The following AUTS2 variants were observed in gnomAD, a reference collection of about 807,000 sequenced individuals.
AUTS2 encodes the protein activator of transcription and developmental regulator AUTS2.
AUTS2 carries 17 observed loss-of-function variants against 112.4 expected under a neutral mutation model. That is an observed-to-expected ratio of 0.15 (90% CI 0.10 to 0.23). The LOEUF (loss-of-function observed/expected upper bound fraction) is 0.23, where lower values mean the gene tolerates loss of function less well. Ranked by LOEUF, AUTS2 falls within the 10% of genes least tolerant of loss-of-function variation. AUTS2 has a pLI of 1.00. For synonymous variants in AUTS2, 751 were observed against 702.7 expected, an observed-to-expected ratio of 1.07 and a Z score of -1.09; for missense variants, 1,510 against 1,701.6, an observed-to-expected ratio of 0.89 and a Z score of 1.98.
At chr7:70,409,472 G>C (rs917397737) in intron 4 of AUTS2, among the ~76,000 whole-genome samples, 3 of 152,202 alleles carry the variant, frequency 2.0e-5, no homozygotes, top group African/African-American at 4.8e-5. Flanking sequence ...AAATTCTCAA[G>C]ATTTCTCACA....
At chr7:69,872,123 G>A (rs1405461117) in intron 1 of AUTS2, among the ~76,000 whole-genome samples, 1 of 152,166 alleles carries the variant, frequency 6.6e-6, no homozygotes, top group African/African-American at 2.4e-5. Flanking sequence ...CAAGTGCCGA[G>A]CCCTTCTGAG....
chr7:70,698,539 A>G (rs1809263997), intron 5 of AUTS2, 30 bp from the exon 6 acceptor site: 4 of 1,577,622 alleles, frequency 2.5e-6, no homozygotes, highest in Non-Finnish European at 3.5e-6. Context: ...TGACAATAAT[A>G]ATGCTTTTTT....
At chr7:69,888,981 G>C (rs1392362768) in intron 1 of AUTS2, among the ~76,000 whole-genome samples, 1 of 152,222 alleles carries the variant, frequency 6.6e-6, no homozygotes, top group Non-Finnish European at 1.5e-5. Context: ...GGGGAAGAGT[G>C]ATGGAGTAGT....
chr7:69,895,156 A>G (rs1386456910), intron 1 of AUTS2, among the ~76,000 whole-genome samples: 1 of 152,218 alleles, frequency 6.6e-6, no homozygotes, highest in African/African-American at 2.4e-5. Flanking sequence ...AGTCATGTAC[A>G]CAACTCTTGT....
chr7:69,728,047 G>A (rs1174678689), intron 1 of AUTS2, among the ~76,000 whole-genome samples: 2 of 152,184 alleles, frequency 1.3e-5, no homozygotes, highest in Non-Finnish European at 2.9e-5. Context: ...AGAAGATACT[G>A]TCATGGATTG....
intron 4 of AUTS2, among the ~76,000 whole-genome samples, chr7:70,235,485 C>T (rs764550294): frequency 1.4e-4 from 21 of 151,986 alleles, no homozygotes; most frequent in African/African-American, 1.9e-4. Context: ...TGTCACCAGC[C>T]GGGAGGGGCT....
rs370089052 is a variant in AUTS2 at position 69,801,527 on chromosome 7, GTA to G, written c.310-97751_310-97750del. On this transcript the variant is annotated intron_variant, in intron 1 of 18. Transcript: ENST00000342771. ...ATGAATATAAATATAAGATATATAG[GTA>G]TATATATGTGGTGTATATATACATA... Among the ~76,000 whole-genome samples the G allele has an allele frequency of 4.2e-3, 623 of 150,014 alleles. 6 individuals are homozygous for G. The highest frequency in any genetic ancestry group is 0.012 in the East Asian group (61 of 5,138).
At chr7:69,797,855 A>G (rs1356648352) in intron 1 of AUTS2, among the ~76,000 whole-genome samples, 1 of 152,132 alleles carries the variant, frequency 6.6e-6, no homozygotes, top group African/African-American at 2.4e-5. Context: ...AATGGACCTT[A>G]TTTTTTATCT....
intron 4 of AUTS2, among the ~76,000 whole-genome samples, chr7:70,190,966 T>C (rs1809848857): frequency 6.6e-6 from 1 of 152,102 alleles, no homozygotes; most frequent in African/African-American, 2.4e-5. Flanking sequence ...TATCTTACTG[T>C]AAAAATACTG....
chr7:70,163,357 G>GGGGGGGGGGGGGGGGGGGA (rs1396459556), intron 4 of AUTS2, among the ~76,000 whole-genome samples: 1 of 67,498 alleles, frequency 1.5e-5, no homozygotes, highest in Non-Finnish European at 3.5e-5. Context: ...GGGGGGGGGG[G>GGGGGGGGGGGGGGGGGGGA]GCAGAGGGGG....
chr7:70,330,365 T>G (rs1334542440), intron 4 of AUTS2, among the ~76,000 whole-genome samples: 2 of 152,222 alleles, frequency 1.3e-5, no homozygotes, highest in Non-Finnish European at 2.9e-5. Flanking sequence ...TGTCTCAGCA[T>G]CATCTGTTGA....
At chr7:70,279,755 G>A (rs1788115710) in intron 4 of AUTS2, among the ~76,000 whole-genome samples, 1 of 152,184 alleles carries the variant, frequency 6.6e-6, no homozygotes, top group African/African-American at 2.4e-5. Flanking sequence ...TCATGATCTT[G>A]TCCAGAAGGA....
At chr7:70,693,005 C>T (rs1022959689) in intron 5 of AUTS2, among the ~76,000 whole-genome samples, 4 of 152,182 alleles carry the variant, frequency 2.6e-5, no homozygotes, top group African/African-American at 4.8e-5. Flanking sequence ...CTCACCCCAC[C>T]TTGGTGTGCC....
chr7:69,598,657 C>T lies in AUTS2; in HGVS notation c.-997C>T, dbSNP rs2129066456. ...AAGCGGCGGCGGCGGCGGCGGCACACCGGTGTCTCTCCCGCTGGAGATTTC... is the reference window on the plus strand; with the variant it reads ...AAGCGGCGGCGGCGGCGGCGGCACATCGGTGTCTCTCCCGCTGGAGATTTC... On this transcript the variant is annotated 5_prime_UTR_variant, in exon 1 of 19. Coordinates refer to ENST00000342771, the MANE Select transcript of AUTS2 (RefSeq NM_015570.4). 1 of 165,460 alleles carries T rather than the reference C, an allele frequency of 6.0e-6. No individual in the cohort carries two copies. The highest frequency in any genetic ancestry group is 1.3e-5 in the Non-Finnish European group (1 of 77,336). 10.2% of individuals were successfully genotyped at this position (165,460 alleles called of 1,614,324 possible). A position where few individuals can be genotyped will look rare whatever the true frequency, so the allele number is the denominator to read the frequency against.
intron 2 of AUTS2, among the ~76,000 whole-genome samples, chr7:70,101,310 A>G (rs1200604065): frequency 6.6e-6 from 1 of 152,112 alleles, no homozygotes; most frequent in Non-Finnish European, 1.5e-5. Context: ...CTATAAAACC[A>G]AATTCTTCAG....
intron 1 of AUTS2, among the ~76,000 whole-genome samples, chr7:69,809,563 A>G (rs576216410): frequency 6.6e-6 from 1 of 152,230 alleles, no homozygotes; most frequent in Admixed American, 6.5e-5. Context: ...CAAAAGACAA[A>G]TACCCATGCT....
chr7:70,712,193 CTTTTTTTTTTTTTTTTTT>C (rs67326941), intron 6 of AUTS2, among the ~76,000 whole-genome samples: 2 of 45,084 alleles, frequency 4.4e-5, no homozygotes, highest in Non-Finnish European at 3.8e-5. Flanking sequence ...GCCTGGCTCA[CTTTTTTTTTTTTTTTTTT>C]TTTTTTTTTT....
At chr7:70,065,432 A>G (rs142064199) in intron 2 of AUTS2, among the ~76,000 whole-genome samples, 4,155 of 152,234 alleles carry the variant, frequency 0.027, 78 homozygotes, top group Middle Eastern at 0.11. Context: ...GGTGGCTAAC[A>G]CCTGTAATCC....
chr7:69,734,598 A>AAT (rs1254506173), intron 1 of AUTS2, among the ~76,000 whole-genome samples: 5 of 151,460 alleles, frequency 3.3e-5, no homozygotes, highest in Admixed American at 6.6e-5. Flanking sequence ...GATATTTTGA[A>AAT]ATATATATAT....
Sources: gnomAD v4.1 joint callset for allele counts (sites outside exome capture counted in the v4.1 genomes callset) on GRCh38, gnomAD v4.1.1 for gene constraint, MANE v1.5 for transcripts, NCBI Gene and HGNC (gene_info 2026-07-23, HGNC 2026-07-21) for gene names.